PNPLA3: variants seen among roughly 807,000 people sequenced by gnomAD.
PNPLA3 encodes the protein 1-acylglycerol-3-phosphate O-acyltransferase PNPLA3.
Under a neutral mutation model 43.1 loss-of-function variants are expected in PNPLA3, and 42 were observed. The observed-to-expected ratio is 0.97, with a 90% CI of 0.76 to 1.26. The LOEUF is 1.26. Among genes scored for constraint, PNPLA3 ranks in the 50% most tolerant of loss-of-function variants. PNPLA3 has a pLI of 0.00. For synonymous variants in PNPLA3, 272 were observed against 253.6 expected (o/e 1.07, Z -0.69); for missense variants, 647 against 621.4 (o/e 1.04, Z -0.44).
rs760429303 is a variant in PNPLA3 at position 43,946,455 on chromosome 22, C to T, written c.*73C>T. On this transcript the variant is annotated 3_prime_UTR_variant, in exon 9 of 9. Transcript: ENST00000216180. The stretch of plus-strand genomic sequence containing the variant: ...TTTCCCATCTTTGTGCAGCTACCTC[C>T]GCATTGCTGTGTAGTGACCCCTGCC... The T allele has an allele frequency of 2.2e-4, 310 of 1,390,814 alleles. No homozygotes were observed. The highest frequency in any genetic ancestry group is 2.8e-4 in the Non-Finnish European group (273 of 980,742). 86.2% of individuals were successfully genotyped at this position (1,390,814 alleles called of 1,614,324 possible).
chr22:43,938,176 C>T (rs950160022), intron 6 of PNPLA3, among the ~76,000 whole-genome samples: 1 of 152,158 alleles, frequency 6.6e-6, no homozygotes, highest in Non-Finnish European at 1.5e-5. Flanking sequence ...CAGTTGGTGG[C>T]ATTTTGTTAG....
intron 1 of PNPLA3, among the ~76,000 whole-genome samples, chr22:43,925,706 C>T (rs73888496): frequency 6.6e-5 from 10 of 152,210 alleles, no homozygotes; most frequent in East Asian, 3.9e-4. Flanking sequence ...GCAAAGGGCA[C>T]GAAATGTGGC....
chr22:43,924,722 ACTGCAAGCTCCACCTC>A (rs1230973352), intron 1 of PNPLA3, among the ~76,000 whole-genome samples: 2 of 148,392 alleles, frequency 1.3e-5, no homozygotes, highest in East Asian at 4.0e-4. Context: ...ATCTCAACTC[ACTGCAAGCTCCACCTC>A]CCAGGTTCAC....
chr22:43,928,803 C>A (rs1344096607), intron 2 of PNPLA3, 21 bp from the exon 3 acceptor site: 1 of 1,598,474 alleles, frequency 6.3e-7, no homozygotes, highest in Non-Finnish European at 8.6e-7. Flanking sequence ...CCTATAACTT[C>A]TCTCTCCTTT....
chr22:43,947,006 T>C lies in PNPLA3; in HGVS notation c.*624T>C. 1 of 276,546 alleles carries C rather than the reference T, an allele frequency of 3.6e-6. No individual in the cohort carries two copies. The highest frequency in any genetic ancestry group is 7.0e-6 in the Non-Finnish European group (1 of 142,220). 17.1% of individuals were successfully genotyped at this position (276,546 alleles called of 1,614,324 possible). On this transcript the variant is annotated 3_prime_UTR_variant, in exon 9 of 9. Transcript: ENST00000216180. ...TGTATAAAAATGTAAGGAAGCGTTG[T>C]TACCTGTTGAATTTTGTATTATGTG... is the stretch of plus-strand genomic sequence containing the variant.
At chr22:43,946,051 T>C in intron 8 of PNPLA3, 103 bp from the exon 9 acceptor site, 3 of 1,036,376 alleles carry the variant, frequency 2.9e-6, no homozygotes, top group Non-Finnish European at 3.0e-6. Flanking sequence ...CTAGAGTGTG[T>C]GTGGTGCCCT....
At chr22:43,943,781 C>T (rs542996903) in intron 7 of PNPLA3, among the ~76,000 whole-genome samples, 1 of 152,066 alleles carries the variant, frequency 6.6e-6, no homozygotes, top group South Asian at 2.1e-4. Context: ...TCTGTCATGT[C>T]CTTTGATCCT....
chr22:43,929,388 A>G (rs1464867191), intron 3 of PNPLA3, among the ~76,000 whole-genome samples: 3 of 150,684 alleles, frequency 2.0e-5, no homozygotes, highest in Non-Finnish European at 3.0e-5. Flanking sequence ...AGGCAGGAGA[A>G]TTGCTTGAAC....
At position 43,926,220 on chromosome 22, in the gene PNPLA3, G is replaced by A. The variant is rs549975467; in HGVS notation, c.188-715G>A. On this transcript the variant is annotated intron_variant, in intron 1 of 8. Coordinates refer to ENST00000216180, the MANE Select transcript of PNPLA3 (RefSeq NM_025225.3). ...TCCACCCCTCTGGCCACTCAGGGAAGGAGAGCTGTGAGTCAAGATCAGATT... is the reference window on the plus strand; with the variant it reads ...TCCACCCCTCTGGCCACTCAGGGAAAGAGAGCTGTGAGTCAAGATCAGATT... Among the ~76,000 whole-genome samples, 99 of 152,344 alleles carry A rather than the reference G, an allele frequency of 6.5e-4. 1 individual carries two copies. Among genetic ancestry groups the A allele is most frequent in the African/African-American group, 2.3e-3 (96 of 41,588 alleles).
rs139811384 is a variant in PNPLA3, at chr22:43,937,159, C to T, written c.866C>T (p.Ser289Leu). The change falls in exon 6 of 9, where the codon TCG (serine) becomes TTG (leucine). Residue 289 changes from serine to leucine, a missense_variant. By Grantham distance (145) the Ser-to-Leu change is moderately radical. Transcript: ENST00000216180. ...ANMSLDSSPESAALAVRLEGD... is the reference protein window; with the variant it reads ...ANMSLDSSPELAALAVRLEGD... ...ATGAGTCTGGATTCTTCCCCGGAGTCGGCTGCCTTGGCTGTGAGGCTGGAG... is the reference window on the plus strand; with the variant it reads ...ATGAGTCTGGATTCTTCCCCGGAGTTGGCTGCCTTGGCTGTGAGGCTGGAG... The T allele has an allele frequency of 1.8e-4, 287 of 1,614,198 alleles. 1 individual carries two copies. The African/African-American group carries it at 3.3e-3, about 19-fold the overall frequency.
At position 43,928,848 on chromosome 22, in the gene PNPLA3, C is replaced by T. The variant is rs2146776468; in HGVS notation, c.445C>T (p.Pro149Ser). The change falls in exon 3 of 9, where the codon CCC becomes TCC. Residue 149 changes from proline to serine, a missense_variant. Pro to Ser is a moderately conservative substitution (Grantham distance 74). Transcript: ENST00000216180. ...VDALVCSCFI[P>S]FYSGLIPPSF... ...GGCCTTGGTATGTTCCTGCTTCATC[C>T]CCTTCTACAGTGGCCTTATCCCTCC... 6 of 1,611,952 alleles carry T rather than the reference C, an allele frequency of 3.7e-6. No homozygotes were observed. Among genetic ancestry groups the T allele is most frequent in the Non-Finnish European group, 5.1e-6 (6 of 1,178,206 alleles).
At chr22:43,944,322 G>C (rs1040510717) in intron 7 of PNPLA3, among the ~76,000 whole-genome samples, 1 of 152,194 alleles carries the variant, frequency 6.6e-6, no homozygotes, top group Non-Finnish European at 1.5e-5. Flanking sequence ...TGGTGCCTCT[G>C]CTGGGCTCAC....
Position 43,947,419 on chromosome 22 carries a change from C to G in PNPLA3, c.*1037C>G, listed in dbSNP as rs553492287. 1.3e-5 allele frequency: 2 copies of G among 156,586 alleles called. No homozygotes were observed. Among genetic ancestry groups the G allele is most frequent in the South Asian group, 2.1e-4 (1 of 4,854 alleles). 9.7% of individuals were successfully genotyped at this position (156,586 alleles called of 1,614,324 possible). A position where few individuals can be genotyped will look rare whatever the true frequency, so the allele number is the denominator to read the frequency against. On this transcript the variant is annotated 3_prime_UTR_variant, in exon 9 of 9. Coordinates refer to ENST00000216180, the MANE Select transcript of PNPLA3 (RefSeq NM_025225.3). ...TGTGCAGGGCATTCACCTCAGCCCC[C>G]CAGGCAGGAGCCAAGCACAGCAGGA...
intron 2 of PNPLA3, among the ~76,000 whole-genome samples, chr22:43,927,700 A>G (rs925575954): frequency 1.3e-5 from 2 of 151,794 alleles, no homozygotes; most frequent in Admixed American, 1.3e-4. Context: ...TCTGTCTCCC[A>G]GGCTGGAGTG....
At chr22:43,943,975 G>A (rs1264884632) in intron 7 of PNPLA3, among the ~76,000 whole-genome samples, 1 of 151,960 alleles carries the variant, frequency 6.6e-6, no homozygotes, top group Non-Finnish European at 1.5e-5. Context: ...TTTTAGTAGA[G>A]GTGGGGTTTG....
chr22:43,938,788 G>C (rs1297490352), intron 6 of PNPLA3, among the ~76,000 whole-genome samples: 1 of 152,220 alleles, frequency 6.6e-6, no homozygotes, highest in African/African-American at 2.4e-5. Flanking sequence ...TAAAGAGAGG[G>C]AATAAAAGAC....
chr22:43,945,473 C>G (rs1025573801), intron 8 of PNPLA3, among the ~76,000 whole-genome samples: 1 of 152,190 alleles, frequency 6.6e-6, no homozygotes, highest in Non-Finnish European at 1.5e-5. Context: ...CAGGGGTGAT[C>G]CCCATCCCCT....
chr22:43,939,044 G>A (rs961404743), intron 6 of PNPLA3, among the ~76,000 whole-genome samples: 1 of 152,196 alleles, frequency 6.6e-6, no homozygotes, highest in Non-Finnish European at 1.5e-5. Context: ...TCATGCCTCA[G>A]CCTCCTGAGT....
intron 5 of PNPLA3, among the ~76,000 whole-genome samples, chr22:43,936,322 C>T (rs188513942): frequency 1.9e-4 from 29 of 152,264 alleles, no homozygotes; most frequent in Admixed American, 6.5e-4. Context: ...GGGCAAGGCT[C>T]AGGCGTTGAG....
Sources: gnomAD v4.1 joint callset for allele counts (sites outside exome capture counted in the v4.1 genomes callset) on GRCh38, gnomAD v4.1.1 for gene constraint, MANE v1.5 for transcripts, NCBI Gene and HGNC (gene_info 2026-07-23, HGNC 2026-07-21) for gene names.